The following RASA3 variants were observed in gnomAD, a reference collection of about 807,000 sequenced individuals.
RASA3 encodes the protein ras GTPase-activating protein 3.
RASA3 carries 73 observed loss-of-function variants against 110.0 expected under a neutral mutation model. The observed-to-expected ratio is 0.66, with a 90% CI of 0.55 to 0.81. The LOEUF is 0.81. Ranked by LOEUF, RASA3 falls within the 30% of genes least tolerant of loss-of-function variation. The pLI, the probability that RASA3 is intolerant of heterozygous loss-of-function variation, is 0.00. For missense variants in RASA3, 976 were observed against 1,113.2 expected, an observed-to-expected ratio of 0.88 and a Z score of 1.75; for synonymous variants, 500 against 451.4, an observed-to-expected ratio of 1.11 and a Z score of -1.37.
chr13:114,002,913 G>T (rs998065374), intron 18 of RASA3, among the ~76,000 whole-genome samples: 16 of 152,236 alleles, frequency 1.1e-4, no homozygotes, highest in African/African-American at 3.4e-4. Context: ...CACACGCTGC[G>T]CTGCAGAGGC....
intron 21 of RASA3, among the ~76,000 whole-genome samples, chr13:113,993,893 C>T (rs1054712061): frequency 1.6e-4 from 25 of 151,576 alleles, no homozygotes; most frequent in Non-Finnish European, 2.9e-4. Context: ...GACAAAGTGG[C>T]CTCACGGTTA....
At chr13:113,991,029 G>A (rs2053098696) in intron 22 of RASA3, among the ~76,000 whole-genome samples, 2 of 141,866 alleles carry the variant, frequency 1.4e-5, no homozygotes, top group Non-Finnish European at 3.1e-5. Flanking sequence ...GCGTGGCCAA[G>A]CTCACAGATG....
intron 1 of RASA3, among the ~76,000 whole-genome samples, chr13:114,089,053 G>C (rs867976950): frequency 1.3e-5 from 2 of 152,100 alleles, no homozygotes; most frequent in African/African-American, 2.4e-5. Context: ...AGAGCCTGGC[G>C]AGTCCCGAAT....
chr13:114,014,350 G>A lies in RASA3; in HGVS notation c.1405+859C>T, dbSNP rs1313023931. On this transcript the variant is annotated intron_variant, in intron 14 of 23. Coordinates refer to ENST00000334062, the MANE Select transcript of RASA3 (RefSeq NM_007368.4). This position sits in a 1 kb window ranked among gnomAD's most constrained non-coding sequence, Gnocchi z 4.5. ...GGGAACTGCCTCCCCCAGAACCCTG[G>A]GCCCCTCGGCCGGCGCTGTCTGACT... is the stretch of plus-strand genomic sequence containing the variant. Among the ~76,000 whole-genome samples, 2 of 152,204 alleles carry A rather than the reference G, an allele frequency of 1.3e-5. No individual in the cohort carries two copies.
At chr13:114,034,953 G>A (rs1376167605) in intron 4 of RASA3, among the ~76,000 whole-genome samples, 1 of 150,222 alleles carries the variant, frequency 6.7e-6, no homozygotes, top group South Asian at 2.1e-4. Context: ...TAGAGCAGAA[G>A]GGAGATCTGA....
intron 21 of RASA3, among the ~76,000 whole-genome samples, chr13:113,995,647 CG>C: frequency 9.8e-6 from 1 of 101,924 alleles, no homozygotes. Flanking sequence ...GCCCAGCTGA[CG>C]GGGGGCCCAG....
chr13:114,053,395 G>T (rs1447966308), intron 2 of RASA3, among the ~76,000 whole-genome samples: 1 of 152,246 alleles, frequency 6.6e-6, no homozygotes, highest in African/African-American at 2.4e-5. Flanking sequence ...CCCCACGCCG[G>T]ACCTGTTGGC....
chr13:114,004,979 G>A (rs773449246), intron 18 of RASA3, among the ~76,000 whole-genome samples: 6 of 152,296 alleles, frequency 3.9e-5, no homozygotes, highest in East Asian at 1.9e-4. Flanking sequence ...CAACGTGAAC[G>A]GAACTAGAGG....
chr13:113,998,808 T>C (rs979079413), intron 20 of RASA3, among the ~76,000 whole-genome samples: 1 of 152,170 alleles, frequency 6.6e-6, no homozygotes, highest in Non-Finnish European at 1.5e-5. Flanking sequence ...GCTGGGAGTG[T>C]CCAGTGGGCC....
In RASA3 at chr13:114,016,271, T is replaced by C; in HGVS notation, c.1207A>G (p.Ile403Val). ...HVTLKPAIEE[I>V]CQSHKPCEID... is the part of the protein sequence containing the mutation. ...TCACAGGGTTTGTGGCTCTGGCATA[T>C]CTGGGGAGAGGTTTAAGACAGGGCT... Residue 403 changes from isoleucine to valine, a missense_variant and splice_region_variant, in exon 13 of 24, where the codon ATA (isoleucine) becomes GTA (valine). By Grantham distance (29) the Ile-to-Val change is conservative (BLOSUM62 3). This residue lies in a region of RASA3 where 732 missense variants were observed against 779.7 expected (regional missense o/e 0.94). Transcript: ENST00000334062. 6.3e-7 allele frequency: 1 copy of C among 1,586,166 alleles called. No individual in the cohort carries two copies. Among genetic ancestry groups the C allele is most frequent in the Non-Finnish European group, 8.7e-7 (1 of 1,154,872 alleles).
intron 1 of RASA3, among the ~76,000 whole-genome samples, chr13:114,129,113 C>T (rs1405004854): frequency 6.6e-6 from 1 of 152,236 alleles, no homozygotes; most frequent in Non-Finnish European, 1.5e-5. Context: ...ACGCCGTGGC[C>T]GTGGCGGAAG....
intron 3 of RASA3, among the ~76,000 whole-genome samples, chr13:114,045,135 A>G (rs1429910519): frequency 6.6e-6 from 1 of 152,210 alleles, no homozygotes; most frequent in Non-Finnish European, 1.5e-5. Context: ...GGGACCGTGG[A>G]CATTTGAAGC....
intron 5 of RASA3, among the ~76,000 whole-genome samples, chr13:114,028,200 CG>C (rs200539918): frequency 1.0e-5 from 1 of 95,664 alleles, no homozygotes; most frequent in African/African-American, 4.4e-5. Flanking sequence ...GCAGCGTCAT[CG>C]GGGGGGCGGG....
Position 113,979,283 on chromosome 13 carries a change from C to G in RASA3, c.*64G>C. On this transcript the variant is annotated 3_prime_UTR_variant, in exon 24 of 24. Transcript: ENST00000334062. Reference sequence around the variant, plus strand: ...GCTCTGCGCTCTTCCTTCTCTTCTCCCTCCCAAAGGCTGCGGCTTTGCATG... The same window carrying G: ...GCTCTGCGCTCTTCCTTCTCTTCTCGCTCCCAAAGGCTGCGGCTTTGCATG... 1 of 1,438,288 alleles carries G rather than the reference C, an allele frequency of 7.0e-7. No individual in the cohort carries two copies. The highest frequency in any genetic ancestry group is 9.8e-7 in the Non-Finnish European group (1 of 1,021,874). The allele number at this position is 1,438,288 out of a possible 1,614,324, so 89.1% of individuals were successfully genotyped here.
At chr13:114,089,237 G>A (rs963977851) in intron 1 of RASA3, among the ~76,000 whole-genome samples, 1 of 144,872 alleles carries the variant, frequency 6.9e-6, no homozygotes, top group Non-Finnish European at 1.5e-5. Context: ...AGATGGCAGG[G>A]ATGTTCGGAG....
Position 114,091,569 on chromosome 13 carries a change from C to G in RASA3, c.56-17732G>C, listed in dbSNP as rs2079889781. On this transcript the variant is annotated intron_variant, in intron 1 of 23. Transcript: ENST00000334062. ...GCATTCCTGGATGAGTCCCACCTGT[C>G]ATGCTGAATGGTCTTTCTAATGTGC... 2.7e-5 allele frequency among the ~76,000 whole-genome samples: 4 copies of G among 150,898 alleles called. No homozygotes were observed. The Admixed American group carries it at 2.7e-4, about 10-fold the overall frequency.
chr13:114,116,134 G>A (rs764576611), intron 1 of RASA3, among the ~76,000 whole-genome samples: 2 of 152,184 alleles, frequency 1.3e-5, no homozygotes, highest in Admixed American at 6.5e-5. Context: ...CTTGCAACGC[G>A]CAGCTAACGC....
intron 21 of RASA3, 81 bp from the exon 22 acceptor site, chr13:113,992,669 G>A (rs1205839409): frequency 2.8e-6 from 3 of 1,085,646 alleles, no homozygotes; most frequent in African/African-American, 1.6e-5. Flanking sequence ...TTTTTAAAAT[G>A]TCACTGAAGA....
chr13:113,988,647 CCTGTCCATCCATCCATCACTCACCCAT>C (rs2139063153), intron 22 of RASA3, among the ~76,000 whole-genome samples: 1 of 57,136 alleles, frequency 1.8e-5, no homozygotes, highest in East Asian at 5.5e-4. Flanking sequence ...CATCACTCAC[CCTGTCCATCCATCCATCACTCACCCAT>C]CTGTCCATCC....
Sources: allele counts gnomAD v4.1 joint callset (sites outside exome capture counted in the v4.1 genomes callset), GRCh38; gene constraint gnomAD v4.1.1; regional missense constraint gnomAD v4.1.1; non-coding constraint Gnocchi (gnomAD v3.1); transcripts MANE v1.5; gene names NCBI Gene and HGNC (gene_info 2026-07-23, HGNC 2026-07-21).